The following EIF3J variants were observed in gnomAD, a reference collection of about 807,000 sequenced individuals.
EIF3J encodes eukaryotic translation initiation factor 3, subunit 1 (alpha, 35kD).
In EIF3J, 15 loss-of-function variants were observed where a neutral mutation model predicts 39.0. That is an observed-to-expected ratio of 0.38 (90% CI 0.26 to 0.59). The LOEUF is 0.59. Among genes scored for constraint, EIF3J ranks in the 20% least tolerant of loss-of-function variants. The probability of loss-of-function intolerance (pLI) is 0.60; values close to 1 mark genes in which losing one functional copy is unlikely to be tolerated. For missense variants in EIF3J, 226 were observed against 308.6 expected, an observed-to-expected ratio of 0.73 and a Z score of 2.00; for synonymous variants, 98 against 112.9, an observed-to-expected ratio of 0.87 and a Z score of 0.84.
intron 2 of EIF3J, 131 bp downstream of exon 2, chr15:44,537,558 T>A: frequency 1.1e-6 from 1 of 917,314 alleles, no homozygotes; most frequent in Non-Finnish European, 1.5e-6. Flanking sequence ...CTGGCGGTGC[T>A]CTCTTCCCCT....
At chr15:44,539,943 CT>C (rs371734858) in intron 2 of EIF3J, among the ~76,000 whole-genome samples, 7,690 of 130,976 alleles carry the variant, frequency 0.059, 406 homozygotes, top group East Asian at 0.23. Context: ...ATATTTTTTT[CT>C]TTTTTTTTTT....
rs1595809987 is a variant in EIF3J, at chr15:44,561,004, T to C, written c.646-14T>C. On this transcript the variant is annotated splice_polypyrimidine_tract_variant and intron_variant, in intron 7 of 7. Transcript: ENST00000261868. ...CACACTAAGGTTCATGAATTAACTC[T>C]CTTTCATCTTTAGCAAAGCAAAGCC... 1.2e-6 allele frequency: 2 copies of C among 1,612,372 alleles called. No homozygotes were observed. Among genetic ancestry groups the C allele is most frequent in the East Asian group, 2.2e-5 (1 of 44,854 alleles).
rs528717051 is a variant in EIF3J, at chr15:44,551,657, A to G, written c.294+135A>G. Reference sequence around the variant, plus strand: ...GGATACCATAAGATAGGTAAAATCCAAAACAAATTGATTTGTGGTTTTTGC... The same window carrying G: ...GGATACCATAAGATAGGTAAAATCCGAAACAAATTGATTTGTGGTTTTTGC... On this transcript the variant is annotated intron_variant, in intron 4 of 7. Transcript: ENST00000261868. The G allele has an allele frequency of 2.2e-5, 14 of 634,966 alleles. No homozygotes were observed. In the East Asian group the frequency reaches 3.6e-4, roughly 16 times the overall value. The allele number at this position is 634,966 out of a possible 1,614,324, so 39.3% of individuals were successfully genotyped here.
chr15:44,547,025 GT>G (rs2082059087), intron 2 of EIF3J, among the ~76,000 whole-genome samples: 1 of 151,870 alleles, frequency 6.6e-6, no homozygotes, highest in Non-Finnish European at 1.5e-5. Flanking sequence ...GTTTCATCAT[GT>G]TGGCCAGGCT....
intron 6 of EIF3J, among the ~76,000 whole-genome samples, chr15:44,558,290 A>T (rs1000900450): frequency 2.6e-5 from 4 of 152,060 alleles, no homozygotes; most frequent in African/African-American, 9.7e-5. Flanking sequence ...GCTCACTGCA[A>T]CTTCTGCCTC....
intron 2 of EIF3J, among the ~76,000 whole-genome samples, chr15:44,544,348 T>C (rs2082036341): frequency 6.6e-6 from 1 of 151,486 alleles, no homozygotes; most frequent in Non-Finnish European, 1.5e-5. Context: ...TCCACCCACC[T>C]TGGCCTTCCA....
chr15:44,537,454 G>T (rs1420257104), intron 2 of EIF3J, 27 bp downstream of exon 2: 11 of 1,500,236 alleles, frequency 7.3e-6, no homozygotes, highest in Non-Finnish European at 9.8e-6. Context: ...GCGCCGGGCA[G>T]CGCGGAAGCG....
chr15:44,546,748 T>C (rs1207363563), intron 2 of EIF3J, among the ~76,000 whole-genome samples: 1 of 151,892 alleles, frequency 6.6e-6, no homozygotes, highest in African/African-American at 2.4e-5. Flanking sequence ...TTTAGAAAAT[T>C]GTGTTTGATA....
At chr15:44,545,313 TA>T (rs1217042063) in intron 2 of EIF3J, among the ~76,000 whole-genome samples, 1 of 152,198 alleles carries the variant, frequency 6.6e-6, no homozygotes, top group East Asian at 1.9e-4. Flanking sequence ...AGCAAGTGTT[TA>T]AAACATGCTT....
chr15:44,542,745 A>G (rs1400066137), intron 2 of EIF3J, among the ~76,000 whole-genome samples: 1 of 152,248 alleles, frequency 6.6e-6, no homozygotes, highest in East Asian at 1.9e-4. Context: ...GTGTATCTGC[A>G]GGGCAAGAGT....
At position 44,540,235 on chromosome 15, in the gene EIF3J, CTATATATATA is replaced by C. The variant is rs1158019805; in HGVS notation, c.147+2832_147+2841del. ...TACAGACGTGAGCCACCGCGCCTGG[CTATATATATA>C]TATATATATATATATATATATATTT... On this transcript the variant is annotated intron_variant, in intron 2 of 7. Transcript: ENST00000261868. 2.4e-3 allele frequency among the ~76,000 whole-genome samples: 182 copies of C among 76,248 alleles called. 3 individuals are homozygous for C. Among genetic ancestry groups the C allele is most frequent in the African/African-American group, 8.8e-3 (155 of 17,522 alleles). The allele number at this position is 76,248 out of a possible 152,430, so 50.0% of individuals were successfully genotyped here.
chr15:44,548,097 C>G (rs2082069245), intron 2 of EIF3J, among the ~76,000 whole-genome samples: 1 of 152,136 alleles, frequency 6.6e-6, no homozygotes, highest in African/African-American at 2.4e-5. Flanking sequence ...AGGACTAGCT[C>G]TAGCTGACAT....
At chr15:44,538,097 C>G (rs1379814933) in intron 2 of EIF3J, among the ~76,000 whole-genome samples, 2 of 152,056 alleles carry the variant, frequency 1.3e-5, no homozygotes, top group African/African-American at 4.8e-5. Context: ...GACAGTTACT[C>G]AACTACACAC....
intron 2 of EIF3J, among the ~76,000 whole-genome samples, chr15:44,538,190 G>T (rs1486537023): frequency 6.6e-6 from 1 of 151,812 alleles, no homozygotes; most frequent in Non-Finnish European, 1.5e-5. Flanking sequence ...TTGTTGTTTT[G>T]TCTGTGCCTT....
intron 6 of EIF3J, among the ~76,000 whole-genome samples, chr15:44,559,444 C>CT (rs2082172848): frequency 6.6e-6 from 1 of 151,464 alleles, no homozygotes; most frequent in Non-Finnish European, 1.5e-5. Context: ...GGTGCGGTGG[C>CT]TCACACCTGT....
intron 2 of EIF3J, among the ~76,000 whole-genome samples, chr15:44,541,939 ATGTT>A (rs2082017651): frequency 6.6e-6 from 1 of 152,224 alleles, no homozygotes; most frequent in Admixed American, 6.5e-5. Context: ...ATTAGGAAGC[ATGTT>A]TGTTATTGAA....
In EIF3J at chr15:44,551,037, T is replaced by A. The variant is rs552135712; in HGVS notation, c.202+107T>A. On this transcript the variant is annotated intron_variant, in intron 3 of 7. Transcript: ENST00000261868. Reference sequence around the variant, plus strand: ...CTCACAAAATGGAACATTTTGGTATTTAGAAACCAAGTGTCCTTCCATTCC... The same window carrying A: ...CTCACAAAATGGAACATTTTGGTATATAGAAACCAAGTGTCCTTCCATTCC... The A allele has an allele frequency of 4.0e-5, 58 of 1,461,308 alleles. 1 individual carries two copies. The South Asian group carries it at 8.2e-4, about 21-fold the overall frequency. The allele number at this position is 1,461,308 out of a possible 1,614,324, so 90.5% of individuals were successfully genotyped here. A position where few individuals can be genotyped will look rare whatever the true frequency, so the allele number is the denominator to read the frequency against.
chr15:44,539,768 C>T, intron 2 of EIF3J, among the ~76,000 whole-genome samples: 2 of 131,010 alleles, frequency 1.5e-5, no homozygotes, highest in Non-Finnish European at 1.6e-5. Context: ...AGCAATCTAT[C>T]TATTCATCTA....
intron 6 of EIF3J, chr15:44,559,034 GT>G (rs1462335853): frequency 6.6e-6 from 1 of 152,102 alleles, no homozygotes; most frequent in Non-Finnish European, 1.5e-5. Context: ...GATGGTCACT[GT>G]TCTCATTGTA....
Sources: gnomAD v4.1 joint callset for allele counts (sites outside exome capture counted in the v4.1 genomes callset) on GRCh38, gnomAD v4.1.1 for gene constraint, MANE v1.5 for transcripts, NCBI Gene and HGNC (gene_info 2026-07-23, HGNC 2026-07-21) for gene names.